GPR176: variants seen among roughly 807,000 people sequenced by gnomAD.
The protein encoded by GPR176 is G protein-coupled receptor 176.
GPR176 carries 26 observed loss-of-function variants against 35.4 expected under a neutral mutation model. The ratio of observed to expected loss-of-function variants is 0.74; its 90% CI spans 0.54 to 1.02. GPR176 has a LOEUF of 1.02. Among genes scored for constraint, GPR176 ranks in the 50% least tolerant of loss-of-function variants. GPR176 has a pLI of 0.00. For synonymous variants in GPR176, 278 were observed against 271.3 expected, an observed-to-expected ratio of 1.02 and a Z score of -0.24; for missense variants, 597 against 665.3, an observed-to-expected ratio of 0.90 and a Z score of 1.13.
At chr15:39,860,446 G>A (rs1024013062) in intron 1 of GPR176, among the ~76,000 whole-genome samples, 19 of 152,212 alleles carry the variant, frequency 1.2e-4, no homozygotes, top group South Asian at 2.1e-4. Flanking sequence ...GTTTCTAGGG[G>A]AGTTCAATGG....
chr15:39,810,440 CTTTT>C (rs1899474675), intron 1 of GPR176, among the ~76,000 whole-genome samples: 1 of 152,094 alleles, frequency 6.6e-6, no homozygotes, highest in African/African-American at 2.4e-5. Context: ...TTTGGTTGTC[CTTTT>C]AAACCGGTTT....
chr15:39,829,189 C>CA (rs1381694435), intron 1 of GPR176: 2 of 1,530,742 alleles, frequency 1.3e-6, no homozygotes, highest in Non-Finnish European at 1.7e-6. Context: ...CATGAAGAGA[C>CA]AACACCTCAC....
chr15:39,807,631 A>G, intron 1 of GPR176: 1 of 890,100 alleles, frequency 1.1e-6, no homozygotes, highest in Non-Finnish European at 1.8e-6. Context: ...AAACTCTGCA[A>G]CAGAAATACA....
chr15:39,843,067 G>A (rs1365898117), intron 1 of GPR176, among the ~76,000 whole-genome samples: 1 of 151,964 alleles, frequency 6.6e-6, no homozygotes, highest in Non-Finnish European at 1.5e-5. Flanking sequence ...GTGGTGGGGG[G>A]AGCTTTCTTT....
rs185959464 is a variant in GPR176, at chr15:39,864,277, T to A, written c.172+55578A>T. On this transcript the variant is annotated intron_variant, in intron 1 of 2. Transcript: ENST00000561100. ...TTTTTAAGGTTGAAAGTTTAACAGA[T>A]CATTAAACTGTCACCACATCAAAAG... is the stretch of plus-strand genomic sequence containing the variant. Among the ~76,000 whole-genome samples, 20 of 152,162 alleles carry A rather than the reference T, an allele frequency of 1.3e-4. No individual in the cohort carries two copies. The East Asian group carries it at 2.7e-3, about 21-fold the overall frequency.
intron 1 of GPR176, among the ~76,000 whole-genome samples, chr15:39,812,327 C>T (rs1424911502): frequency 6.6e-6 from 1 of 152,156 alleles, no homozygotes; most frequent in Non-Finnish European, 1.5e-5. Context: ...CAGCTGCCAG[C>T]ACGGCAAGAA....
At chr15:39,863,833 T>C (rs1367710771) in intron 1 of GPR176, among the ~76,000 whole-genome samples, 1 of 152,230 alleles carries the variant, frequency 6.6e-6, no homozygotes, top group East Asian at 1.9e-4. Context: ...ATCTAGGTTT[T>C]TTAAGTACAC....
chr15:39,889,684 A>G (rs2032801334), intron 1 of GPR176, among the ~76,000 whole-genome samples: 1 of 152,230 alleles, frequency 6.6e-6, no homozygotes. Flanking sequence ...TAGGGTCCCA[A>G]GGAGGTGAAA....
chr15:39,800,066 T>G lies in GPR176; in HGVS notation c.*1066A>C, dbSNP rs539049392. 1 of 152,230 alleles carries G rather than the reference T, an allele frequency of 6.6e-6. No individual in the cohort carries two copies. Among genetic ancestry groups the G allele is most frequent in the Non-Finnish European group, 1.5e-5 (1 of 68,044 alleles). The allele number at this position is 152,230 out of a possible 1,614,324, so 9.4% of individuals were successfully genotyped here. A position where few individuals can be genotyped will look rare whatever the true frequency, so the allele number is the denominator to read the frequency against. ...GAGTCTTCCTCGGAAGGAAACCATC[T>G]TTGTCAGATTCTTGCCAACCTTTTG... On this transcript the variant is annotated 3_prime_UTR_variant, in exon 3 of 3. Coordinates refer to ENST00000561100, the MANE Select transcript of GPR176 (RefSeq NM_007223.3).
intron 1 of GPR176, among the ~76,000 whole-genome samples, chr15:39,819,583 T>C (rs552471030): frequency 1.1e-4 from 16 of 152,354 alleles, no homozygotes; most frequent in African/African-American, 3.6e-4. Flanking sequence ...GCTGAATGTT[T>C]ACTATCTTCC....
At chr15:39,849,980 GA>G (rs36074238) in intron 1 of GPR176, among the ~76,000 whole-genome samples, 143,830 of 152,184 alleles carry the variant, frequency 0.95, 68,239 homozygotes, top group Non-Finnish European at 0.99. Context: ...ACTGAATACT[GA>G]AAGGCAATTG....
chr15:39,855,702 C>T (rs996348658), intron 1 of GPR176, among the ~76,000 whole-genome samples: 6 of 152,168 alleles, frequency 3.9e-5, no homozygotes, highest in African/African-American at 1.4e-4. Flanking sequence ...GTTATGTGGC[C>T]ATCTCTAAGA....
At chr15:39,826,327 T>C (rs1480320678) in intron 1 of GPR176, among the ~76,000 whole-genome samples, 4 of 152,004 alleles carry the variant, frequency 2.6e-5, no homozygotes, top group African/African-American at 9.7e-5. Context: ...GAAAAACCCA[T>C]TCACAACTCA....
intron 1 of GPR176, among the ~76,000 whole-genome samples, chr15:39,894,916 G>A (rs1337271348): frequency 6.6e-6 from 1 of 152,148 alleles, no homozygotes; most frequent in African/African-American, 2.4e-5. Flanking sequence ...CCGAGATCAC[G>A]CCACTGCACT....
chr15:39,828,941 T>C (rs896899596), intron 1 of GPR176: 6 of 613,826 alleles, frequency 9.8e-6, no homozygotes, highest in African/African-American at 3.7e-5. Flanking sequence ...TTAGAAAGAA[T>C]GATACTACTA....
chr15:39,872,248 T>C (rs1014243665), intron 1 of GPR176, among the ~76,000 whole-genome samples: 2 of 152,180 alleles, frequency 1.3e-5, no homozygotes, highest in Non-Finnish European at 2.9e-5. Context: ...ATGGTGGGCC[T>C]TGAAGAATGA....
At chr15:39,816,281 G>T (rs1024832677) in intron 1 of GPR176, among the ~76,000 whole-genome samples, 1 of 152,048 alleles carries the variant, frequency 6.6e-6, no homozygotes, top group Non-Finnish European at 1.5e-5. Context: ...GATTTTAAGT[G>T]TTCTCAGCAC....
chr15:39,823,684 C>T (rs1900428480), intron 1 of GPR176, among the ~76,000 whole-genome samples: 1 of 152,202 alleles, frequency 6.6e-6, no homozygotes, highest in African/African-American at 2.4e-5. Context: ...CTTCTTGAAA[C>T]TTCCATTGCC....
intron 1 of GPR176, among the ~76,000 whole-genome samples, chr15:39,914,942 G>A (rs908584408): frequency 6.6e-6 from 1 of 152,174 alleles, no homozygotes; most frequent in Non-Finnish European, 1.5e-5. Context: ...AAGACTATAA[G>A]CAAGCATGAG....
Sources: gnomAD v4.1 joint callset for allele counts (sites outside exome capture counted in the v4.1 genomes callset) on GRCh38, gnomAD v4.1.1 for gene constraint, MANE v1.5 for transcripts, NCBI Gene and HGNC (gene_info 2026-07-23, HGNC 2026-07-21) for gene names.